The following MROH9 variants were observed in gnomAD, a reference collection of about 807,000 sequenced individuals.
MROH9 encodes the protein maestro heat-like repeat-containing protein family member 9.
A neutral mutation model predicts 98.2 loss-of-function variants in MROH9; 92 were observed. The observed-to-expected ratio is 0.94, with a 90% CI of 0.79 to 1.11. The LOEUF (loss-of-function observed/expected upper bound fraction) is 1.11, where lower values mean the gene tolerates loss of function less well. Among genes scored for constraint, MROH9 ranks in the 50% most tolerant of loss-of-function variants. MROH9 has a pLI of 0.00. For synonymous variants in MROH9, 397 were observed against 368.9 expected (o/e 1.08, Z -0.87); for missense variants, 1,057 against 1,014.8 (o/e 1.04, Z -0.57).
chr1:171,028,747 C>G (rs1461576754), intron 20 of MROH9, among the ~76,000 whole-genome samples: 1 of 152,052 alleles, frequency 6.6e-6, no homozygotes, highest in Admixed American at 6.5e-5. Flanking sequence ...CTTCACATTT[C>G]TTGTTAGCTG....
chr1:170,959,435 T>A, intron 4 of MROH9, 27 bp from the exon 5 acceptor site: 1 of 1,566,558 alleles, frequency 6.4e-7, no homozygotes, highest in Non-Finnish European at 8.6e-7. Flanking sequence ...TTTCTCATCA[T>A]TAATAATTGC....
intron 15 of MROH9, chr1:170,998,827 A>G (rs1201929221): frequency 8.2e-6 from 7 of 849,290 alleles, no homozygotes; most frequent in Non-Finnish European, 9.9e-6. Context: ...TAATTTTTTC[A>G]TTAAAATAAT....
At chr1:170,956,595 G>GTTTTTTTTTTTTTTTTT (rs5778690) in intron 3 of MROH9, among the ~76,000 whole-genome samples, 1 of 104,608 alleles carries the variant, frequency 9.6e-6, no homozygotes, top group Non-Finnish European at 1.9e-5. Context: ...TTTTTTTTTT[G>GTTTTTTTTTTTTTTTTT]TTTTTTTTTT....
chr1:171,023,135 G>A (rs948911459), intron 17 of MROH9, among the ~76,000 whole-genome samples: 1 of 152,336 alleles, frequency 6.6e-6, no homozygotes, highest in Admixed American at 6.5e-5. Context: ...CAGGAGGGTT[G>A]TTGGAGCCCA....
chr1:170,967,828 A>G (rs962300384), intron 7 of MROH9, among the ~76,000 whole-genome samples: 1 of 150,836 alleles, frequency 6.6e-6, no homozygotes, highest in South Asian at 2.1e-4. Context: ...AACTTATAGC[A>G]TTAAGATTTT....
intron 2 of MROH9, 140 bp downstream of exon 2, chr1:170,945,721 C>A: frequency 3.1e-6 from 2 of 650,680 alleles, no homozygotes; most frequent in Non-Finnish European, 4.8e-6. Context: ...TCCCTAATGC[C>A]CGTAGAACGT....
intron 20 of MROH9, among the ~76,000 whole-genome samples, chr1:171,041,254 G>C (rs143566541): frequency 2.3e-4 from 35 of 151,154 alleles, no homozygotes; most frequent in African/African-American, 8.0e-4. Flanking sequence ...ATATTTCTGA[G>C]TAATTTCACT....
chr1:171,007,810 A>G (rs1256159155), intron 15 of MROH9, among the ~76,000 whole-genome samples: 1 of 152,310 alleles, frequency 6.6e-6, no homozygotes, highest in East Asian at 1.9e-4. Context: ...TCCTTGGTGG[A>G]TGATTTTGGT....
chr1:170,988,387 A>G (rs879771200), intron 10 of MROH9, among the ~76,000 whole-genome samples: 1 of 152,192 alleles, frequency 6.6e-6, no homozygotes, highest in Non-Finnish European at 1.5e-5. Context: ...AAACACAACC[A>G]CAGGGAAAGG....
intron 7 of MROH9, among the ~76,000 whole-genome samples, chr1:170,970,118 G>A (rs1298454394): frequency 6.6e-6 from 1 of 152,128 alleles, no homozygotes; most frequent in Non-Finnish European, 1.5e-5. Flanking sequence ...CAGAACAGAA[G>A]GAAACCACTA....
intron 20 of MROH9, among the ~76,000 whole-genome samples, chr1:171,057,090 G>C (rs1653860169): frequency 6.6e-6 from 1 of 152,194 alleles, no homozygotes; most frequent in African/African-American, 2.4e-5. Context: ...TCTCCAGCAA[G>C]GGCACAGCAC....
rs1290810775 is a variant in MROH9 at position 170,986,547 on chromosome 1, C to T, written c.730-14C>T. The T allele has an allele frequency of 1.2e-6, 2 of 1,610,474 alleles. No individual in the cohort carries two copies. The highest frequency in any genetic ancestry group is 2.7e-5 in the African/African-American group (2 of 74,766). On this transcript the variant is annotated splice_polypyrimidine_tract_variant and intron_variant, in intron 9 of 21. Coordinates refer to ENST00000367759, the MANE Select transcript of MROH9 (RefSeq NM_001163629.2). ...AGTAAGGCCTGAGGTCATGATTATC[C>T]TTTGTGGTTGCAGAGAGTAGGGCAA...
At chr1:171,062,636 T>C (rs1361805744) in intron 21 of MROH9, among the ~76,000 whole-genome samples, 1 of 152,252 alleles carries the variant, frequency 6.6e-6, no homozygotes, top group Non-Finnish European at 1.5e-5. Flanking sequence ...CAATGTACAA[T>C]ACATTTGCAG....
chr1:171,037,748 A>G (rs975813622), intron 20 of MROH9, among the ~76,000 whole-genome samples: 19 of 152,056 alleles, frequency 1.2e-4, no homozygotes, highest in African/African-American at 4.3e-4. Context: ...AGACAGATAA[A>G]TAGGACATAA....
In MROH9 at chr1:170,954,914, T is replaced by C. The variant is rs140278516; in HGVS notation, c.73-3547T>C. The stretch of plus-strand genomic sequence containing the variant: ...TTGTGAGACTTTGGTGCACCCATCA[T>C]CTGAGCAGTATACACTGCAACATAT... On this transcript the variant is annotated intron_variant, in intron 3 of 21. Transcript: ENST00000367759. 2.2e-3 allele frequency among the ~76,000 whole-genome samples: 328 copies of C among 152,140 alleles called. 1 individual carries two copies. Among genetic ancestry groups the C allele is most frequent in the Non-Finnish European group, 3.2e-3 (215 of 67,968 alleles).
At chr1:171,027,105 T>A (rs964061382) in intron 20 of MROH9, among the ~76,000 whole-genome samples, 1 of 151,820 alleles carries the variant, frequency 6.6e-6, no homozygotes, top group African/African-American at 2.4e-5. Flanking sequence ...CAAAAAAAAA[T>A]GGAATACATG....
chr1:170,958,361 T>C (rs1377739816), intron 3 of MROH9, 100 bp from the exon 4 acceptor site: 9 of 619,330 alleles, frequency 1.5e-5, no homozygotes, highest in Non-Finnish European at 2.2e-5. Flanking sequence ...TTGGTTCCTT[T>C]AGTCTCTGTA....
rs1242305173 is a variant in MROH9, at chr1:170,980,207, T to G, written c.617-3215T>G. Among the ~76,000 whole-genome samples the G allele has an allele frequency of 2.6e-5, 4 of 152,124 alleles. No homozygotes were observed. The East Asian group carries it at 7.7e-4, about 29-fold the overall frequency. On this transcript the variant is annotated intron_variant, in intron 8 of 21. Coordinates refer to ENST00000367759, the MANE Select transcript of MROH9 (RefSeq NM_001163629.2). ...AATGCTATTCCTATCAAACTACCATTGACATTCTTCACACGATTAGAAAAA... is the reference window on the plus strand; with the variant it reads ...AATGCTATTCCTATCAAACTACCATGGACATTCTTCACACGATTAGAAAAA...
chr1:171,044,970 A>ATTTTTTTTTTTTTTTTTTTTTTTT (rs1162985944), intron 20 of MROH9, among the ~76,000 whole-genome samples: 1 of 41,356 alleles, frequency 2.4e-5, no homozygotes, highest in African/African-American at 7.7e-5. Context: ...TTCTGCTCTG[A>ATTTTTTTTTTTTTTTTTTTTTTTT]TCTTTTTTTT....
Sources: gnomAD v4.1 joint callset for allele counts (sites outside exome capture counted in the v4.1 genomes callset) on GRCh38, gnomAD v4.1.1 for gene constraint, MANE v1.5 for transcripts, NCBI Gene and HGNC (gene_info 2026-07-23, HGNC 2026-07-21) for gene names.